Variants in HS3ST5 observed in about 807,000 individuals in gnomAD.
HS3ST5 encodes heparan sulfate glucosamine 3-O-sulfotransferase 5.
Under a neutral mutation model 25.4 loss-of-function variants are expected in HS3ST5, and 10 were observed. That is an observed-to-expected ratio of 0.39 (90% CI 0.24 to 0.67). The LOEUF (loss-of-function observed/expected upper bound fraction) is 0.67. Ranked by LOEUF, HS3ST5 falls within the 30% of genes least tolerant of loss-of-function variation. The pLI is 0.44. For missense variants in HS3ST5, 324 were observed against 420.7 expected, an observed-to-expected ratio of 0.77 and a Z score of 2.01; for synonymous variants, 170 against 162.4, an observed-to-expected ratio of 1.05 and a Z score of -0.36.
At chr6:114,323,666 GGTAT>G (rs1294143537) in intron 1 of HS3ST5, among the ~76,000 whole-genome samples, 37 of 151,972 alleles carry the variant, frequency 2.4e-4, no homozygotes, top group Non-Finnish European at 4.7e-4. Flanking sequence ...GGTTTAATAT[GGTAT>G]ATGATGTGGC....
At chr6:114,119,002 A>G (rs1776658925) in intron 3 of HS3ST5, among the ~76,000 whole-genome samples, 1 of 152,224 alleles carries the variant, frequency 6.6e-6, no homozygotes. Context: ...AGAGAAAAAC[A>G]TATATTATAA....
intron 3 of HS3ST5, among the ~76,000 whole-genome samples, chr6:114,151,393 G>T (rs1445900943): frequency 6.6e-6 from 1 of 152,112 alleles, no homozygotes; most frequent in Non-Finnish European, 1.5e-5. Flanking sequence ...AATTGTTATG[G>T]CATAGCTTTG....
At chr6:114,177,002 T>G (rs1779753629) in intron 2 of HS3ST5, among the ~76,000 whole-genome samples, 1 of 152,156 alleles carries the variant, frequency 6.6e-6, no homozygotes, top group African/African-American at 2.4e-5. Flanking sequence ...CAACCTGCAT[T>G]TCCTTCACAT....
chr6:114,057,028 C>G lies in HS3ST5; in HGVS notation c.*229G>C. On this transcript the variant is annotated 3_prime_UTR_variant, in exon 5 of 5. Transcript: ENST00000312719. The stretch of plus-strand genomic sequence containing the variant: ...TTCCCCCAATACCACCACCTCTTCT[C>G]TTTTGTAAATAGCTTAAAAGATGCG... The G allele has an allele frequency of 2.4e-6, 1 of 418,064 alleles. No individual in the cohort carries two copies. Among genetic ancestry groups the G allele is most frequent in the Non-Finnish European group, 4.2e-6 (1 of 236,984 alleles). The allele number at this position is 418,064 out of a possible 1,614,324, so 25.9% of individuals were successfully genotyped here. A position where few individuals can be genotyped will look rare whatever the true frequency, so the allele number is the denominator to read the frequency against.
chr6:114,230,655 C>T (rs1276560720), intron 1 of HS3ST5, among the ~76,000 whole-genome samples: 4 of 147,882 alleles, frequency 2.7e-5, no homozygotes, highest in Non-Finnish European at 4.4e-5. Flanking sequence ...GGCATGATCT[C>T]GGCTCACTGC....
chr6:114,264,923 A>T (rs1388878080), intron 1 of HS3ST5, among the ~76,000 whole-genome samples: 1 of 152,214 alleles, frequency 6.6e-6, no homozygotes, highest in Non-Finnish European at 1.5e-5. Context: ...CCTGTCACCC[A>T]GGCTGGAATG....
At chr6:114,204,724 T>G (rs1465163628) in intron 2 of HS3ST5, among the ~76,000 whole-genome samples, 1 of 152,198 alleles carries the variant, frequency 6.6e-6, no homozygotes, top group African/African-American at 2.4e-5. Context: ...CTTGTCCACT[T>G]TGATAGAATT....
intron 1 of HS3ST5, among the ~76,000 whole-genome samples, chr6:114,298,241 T>G (rs1248646865): frequency 1.3e-5 from 2 of 152,248 alleles, no homozygotes; most frequent in Non-Finnish European, 2.9e-5. Flanking sequence ...TTGTTTCAAG[T>G]ATGCATATCT....
At chr6:114,083,195 C>A (rs1000160821) in intron 3 of HS3ST5, among the ~76,000 whole-genome samples, 14 of 152,048 alleles carry the variant, frequency 9.2e-5, no homozygotes, top group Non-Finnish European at 2.9e-5. Context: ...GCAGGTCCAA[C>A]AGAGTGAGGG....
chr6:114,076,357 T>C (rs1402173631), intron 3 of HS3ST5, among the ~76,000 whole-genome samples: 1 of 152,212 alleles, frequency 6.6e-6, no homozygotes, highest in East Asian at 1.9e-4. Flanking sequence ...AATGTTCTTA[T>C]AATGAGAGAT....
chr6:114,200,929 A>G (rs1191573844), intron 2 of HS3ST5, among the ~76,000 whole-genome samples: 2 of 152,222 alleles, frequency 1.3e-5, no homozygotes, highest in East Asian at 3.8e-4. Flanking sequence ...TTTTGTACAT[A>G]TAAGATATAA....
At chr6:114,289,832 T>C (rs1219766348) in intron 1 of HS3ST5, among the ~76,000 whole-genome samples, 1 of 152,158 alleles carries the variant, frequency 6.6e-6, no homozygotes, top group African/African-American at 2.4e-5. Context: ...TTTTCCAAAC[T>C]ATCTTCCTAT....
At chr6:114,298,991 T>C (rs1460497934) in intron 1 of HS3ST5, among the ~76,000 whole-genome samples, 1 of 152,174 alleles carries the variant, frequency 6.6e-6, no homozygotes, top group African/African-American at 2.4e-5. Flanking sequence ...ATAACAGCAA[T>C]GTTCAGGGAA....
At chr6:114,213,032 C>G (rs546980860) in intron 2 of HS3ST5, among the ~76,000 whole-genome samples, 1 of 152,078 alleles carries the variant, frequency 6.6e-6, no homozygotes, top group East Asian at 1.9e-4. Flanking sequence ...TCAGGTCACA[C>G]GAATGAATTG....
At chr6:114,146,036 T>A (rs142730888) in intron 3 of HS3ST5, among the ~76,000 whole-genome samples, 253 of 152,264 alleles carry the variant, frequency 1.7e-3, no homozygotes, top group African/African-American at 5.8e-3. Flanking sequence ...ACTCTCATAA[T>A]TTTCAATAGA....
chr6:114,338,187 A>G (rs1776682328), intron 1 of HS3ST5, among the ~76,000 whole-genome samples: 1 of 151,996 alleles, frequency 6.6e-6, no homozygotes, highest in South Asian at 2.1e-4. Context: ...TTCACAAACC[A>G]TGTATGGCAC....
At chr6:114,217,420 T>C (rs1781822545) in intron 2 of HS3ST5, among the ~76,000 whole-genome samples, 1 of 152,188 alleles carries the variant, frequency 6.6e-6, no homozygotes, top group African/African-American at 2.4e-5. Context: ...GTATATACTA[T>C]TCATATATAG....
At chr6:114,093,349 TTGTTTGTGTGTGTGTG>T (rs1368032162) in intron 3 of HS3ST5, among the ~76,000 whole-genome samples, 6 of 98,234 alleles carry the variant, frequency 6.1e-5, no homozygotes, top group East Asian at 3.0e-4. Flanking sequence ...TTTTGTTTGT[TTGTTTGTGTGTGTGTG>T]TGTGTGTGTG....
intron 1 of HS3ST5, among the ~76,000 whole-genome samples, chr6:114,280,922 G>T (rs974457112): frequency 1.3e-5 from 2 of 152,024 alleles, no homozygotes; most frequent in Non-Finnish European, 2.9e-5. Flanking sequence ...CAATGGGTTT[G>T]TGGTACCTTT....
Sources: allele counts gnomAD v4.1 joint callset (sites outside exome capture counted in the v4.1 genomes callset), GRCh38; gene constraint gnomAD v4.1.1; transcripts MANE v1.5; gene names NCBI Gene and HGNC (gene_info 2026-07-23, HGNC 2026-07-21).